The following ZNF407 variants were observed in gnomAD, a reference collection of about 807,000 sequenced individuals.
ZNF407 encodes zinc finger protein 407.
Under a neutral mutation model 131.2 loss-of-function variants are expected in ZNF407, and 17 were observed. That is an observed-to-expected ratio of 0.13 (90% CI 0.09 to 0.19). The LOEUF (loss-of-function observed/expected upper bound fraction) is 0.19. ZNF407 is among the 10% of genes least tolerant of loss of function. The pLI is 1.00. For missense variants in ZNF407, 2,681 were observed against 2,830.6 expected (o/e 0.95, Z 1.20); for synonymous variants, 1,156 against 1,062.0 (o/e 1.09, Z -1.72).
chr18:74,656,583 G>A (rs1295879959), intron 3 of ZNF407, among the ~76,000 whole-genome samples: 1 of 152,084 alleles, frequency 6.6e-6, no homozygotes, highest in Non-Finnish European at 1.5e-5. Flanking sequence ...CCATGGAGAT[G>A]TATGAGATGC....
chr18:74,746,608 T>C (rs1400560968), intron 3 of ZNF407, among the ~76,000 whole-genome samples: 2 of 152,084 alleles, frequency 1.3e-5, no homozygotes, highest in African/African-American at 2.4e-5. Flanking sequence ...ACAAACACAT[T>C]AGCTTAGGCC....
At chr18:75,059,328 T>C (rs1317796950) in intron 8 of ZNF407, among the ~76,000 whole-genome samples, 2 of 152,236 alleles carry the variant, frequency 1.3e-5, no homozygotes, top group African/African-American at 2.4e-5. Flanking sequence ...CTGAGACTAC[T>C]GAAGAAGAGG....
intron 4 of ZNF407, among the ~76,000 whole-genome samples, chr18:74,841,944 T>C (rs1970639814): frequency 6.6e-6 from 1 of 152,230 alleles, no homozygotes; most frequent in Non-Finnish European, 1.5e-5. Context: ...GTGAACTTTC[T>C]TTTTCGTGAA....
At chr18:74,834,320 C>A (rs1430625712) in intron 4 of ZNF407, among the ~76,000 whole-genome samples, 1 of 152,194 alleles carries the variant, frequency 6.6e-6, no homozygotes, top group Non-Finnish European at 1.5e-5. Context: ...CAGCATGACC[C>A]AATTCCTTTA....
chr18:74,889,282 CTGTCTGTCTGTCTATTTACCTA>C (rs1387164206), intron 6 of ZNF407, among the ~76,000 whole-genome samples: 6 of 151,774 alleles, frequency 4.0e-5, no homozygotes, highest in Non-Finnish European at 7.4e-5. Context: ...CTGTGTCTGT[CTGTCTGTCTGTCTATTTACCTA>C]TGTCTGTCTG....
chr18:74,957,439 G>T (rs558148591), intron 8 of ZNF407, among the ~76,000 whole-genome samples: 3 of 151,906 alleles, frequency 2.0e-5, no homozygotes, highest in African/African-American at 4.8e-5. Context: ...CCTCTCTGTT[G>T]TCTTCCTAGT....
Position 75,063,469 on chromosome 18 carries a change from G to C in ZNF407, c.5748G>C (p.Gln1916His), listed in dbSNP as rs981969148. ...TEDGQVIATS[Q>H]SGAHVGSVVP... ...ATGGCCAGGTCATCGCCACGAGTCA[G>C]AGCGGGGCACATGTAGGCAGCGTGG... is the stretch of plus-strand genomic sequence containing the variant. The change falls in exon 9 of 9, where the codon CAG (glutamine) becomes CAC (histidine). Residue 1916 changes from glutamine to histidine, a missense_variant. Coordinates refer to ENST00000299687, the MANE Select transcript of ZNF407 (RefSeq NM_017757.3). This position sits in a 1 kb window ranked among gnomAD's most constrained non-coding sequence, Gnocchi z 6.6. 1.9e-6 allele frequency: 3 copies of C among 1,604,546 alleles called. No homozygotes were observed. The highest frequency in any genetic ancestry group is 1.7e-6 in the Non-Finnish European group (2 of 1,176,858).
At chr18:74,646,377 T>C (rs1391616735) in intron 3 of ZNF407, among the ~76,000 whole-genome samples, 6 of 152,236 alleles carry the variant, frequency 3.9e-5, no homozygotes, top group African/African-American at 1.2e-4. Context: ...GAATTATGCT[T>C]ATAACAGTAT....
intron 8 of ZNF407, among the ~76,000 whole-genome samples, chr18:75,043,062 G>A (rs1973392118): frequency 6.6e-6 from 1 of 152,176 alleles, no homozygotes; most frequent in Non-Finnish European, 1.5e-5. Context: ...ATGGGGTCAT[G>A]GGATGATGTG....
At chr18:74,712,904 A>T (rs963655326) in intron 3 of ZNF407, among the ~76,000 whole-genome samples, 4 of 152,176 alleles carry the variant, frequency 2.6e-5, no homozygotes, top group African/African-American at 9.7e-5. Flanking sequence ...GAAGACAGGA[A>T]GTCAGGGTTT....
At chr18:74,841,389 C>T (rs1970631475) in intron 4 of ZNF407, among the ~76,000 whole-genome samples, 1 of 152,086 alleles carries the variant, frequency 6.6e-6, no homozygotes, top group Admixed American at 6.6e-5. Flanking sequence ...ACCCTTCATC[C>T]CTTTGCTCAC....
intron 3 of ZNF407, among the ~76,000 whole-genome samples, chr18:74,654,506 C>A (rs1001443578): frequency 8.6e-5 from 13 of 151,818 alleles, no homozygotes; most frequent in Admixed American, 6.6e-4. Context: ...CACTTGCCAG[C>A]TAATTTAACT....
intron 8 of ZNF407, among the ~76,000 whole-genome samples, chr18:75,056,496 C>T (rs1231969079): frequency 2.0e-5 from 3 of 152,144 alleles, no homozygotes; most frequent in Non-Finnish European, 4.4e-5. Context: ...TAGCGAAGTC[C>T]CTAAACCACT....
At chr18:74,948,562 C>G (rs1972180027) in intron 8 of ZNF407, among the ~76,000 whole-genome samples, 1 of 152,140 alleles carries the variant, frequency 6.6e-6, no homozygotes, top group African/African-American at 2.4e-5. Flanking sequence ...CCGACACTAC[C>G]AAGTTAATTT....
At chr18:74,880,914 C>T in intron 5 of ZNF407, 122 bp from the exon 6 acceptor site, 3 of 826,482 alleles carry the variant, frequency 3.6e-6, no homozygotes, top group Non-Finnish European at 6.0e-6. Flanking sequence ...AATTTCATTC[C>T]CATTTGACAT....
At chr18:75,037,984 A>C (rs1455079611) in intron 8 of ZNF407, among the ~76,000 whole-genome samples, 1 of 152,226 alleles carries the variant, frequency 6.6e-6, no homozygotes, top group Non-Finnish European at 1.5e-5. Flanking sequence ...AATAATTAAC[A>C]TCTCTCTTTA....
chr18:74,649,896 G>A (rs544800436), intron 3 of ZNF407, among the ~76,000 whole-genome samples: 5 of 152,288 alleles, frequency 3.3e-5, no homozygotes, highest in South Asian at 4.2e-4. Flanking sequence ...AGTGCCAAAC[G>A]TGGGAACTCT....
chr18:74,769,089 T>TA (rs1969307503), intron 3 of ZNF407, among the ~76,000 whole-genome samples: 1 of 152,162 alleles, frequency 6.6e-6, no homozygotes, highest in African/African-American at 2.4e-5. Flanking sequence ...GTCTTCGCCT[T>TA]ACCTCATCTC....
intron 3 of ZNF407, among the ~76,000 whole-genome samples, chr18:74,653,022 A>T (rs963170272): frequency 7.2e-5 from 11 of 152,108 alleles, no homozygotes; most frequent in African/African-American, 1.7e-4. Context: ...GAAATTTATT[A>T]AACAATTTAT....
Sources: allele counts gnomAD v4.1 joint callset (sites outside exome capture counted in the v4.1 genomes callset), GRCh38; gene constraint gnomAD v4.1.1; non-coding constraint Gnocchi (gnomAD v3.1); transcripts MANE v1.5; gene names NCBI Gene and HGNC (gene_info 2026-07-23, HGNC 2026-07-21).